DENND1B: variants seen among roughly 807,000 people sequenced by gnomAD.
DENND1B encodes the protein DENN domain-containing protein 1B.
DENND1B carries 59 observed loss-of-function variants against 90.1 expected under a neutral mutation model. The ratio of observed to expected loss-of-function variants is 0.65; its 90% CI spans 0.53 to 0.81. The LOEUF (loss-of-function observed/expected upper bound fraction) is 0.81. Ranked by LOEUF, DENND1B falls within the 40% of genes least tolerant of loss-of-function variation. DENND1B has a pLI of 0.00. For synonymous variants in DENND1B, 337 were observed against 324.6 expected (o/e 1.04, Z -0.41); for missense variants, 862 against 912.6 (o/e 0.94, Z 0.71).
intron 2 of DENND1B, chr1:197,735,632 C>T: frequency 1.2e-6 from 2 of 1,614,174 alleles, no homozygotes; most frequent in Non-Finnish European, 1.7e-6. Context: ...GTGGAGCTGC[C>T]GCCATGAAGG....
chr1:197,509,491 T>C lies in DENND1B; in HGVS notation c.*969A>G, dbSNP rs556395775. The C allele has an allele frequency of 2.0e-5, 3 of 151,834 alleles. No homozygotes were observed. Among genetic ancestry groups the C allele is most frequent in the South Asian group, 4.1e-4 (2 of 4,830 alleles). 9.4% of individuals were successfully genotyped at this position (151,834 alleles called of 1,614,324 possible). A position where few individuals can be genotyped will look rare whatever the true frequency, so the allele number is the denominator to read the frequency against. ...GTAAGATGTTAGTAACAGGGGTAGA[T>C]GGGAACTCTCTGTACTATCTTTGCA... On this transcript the variant is annotated 3_prime_UTR_variant, in exon 23 of 23. Transcript: ENST00000620048.
intron 12 of DENND1B, among the ~76,000 whole-genome samples, chr1:197,611,039 A>G (rs1677140753): frequency 6.6e-6 from 1 of 150,694 alleles, no homozygotes; most frequent in African/African-American, 2.4e-5. Context: ...ATATCAACAG[A>G]CTCATCTTTG....
At chr1:197,773,074 C>T (rs1656824353) in intron 1 of DENND1B, 142 bp from the exon 2 acceptor site, 2 of 735,322 alleles carry the variant, frequency 2.7e-6, no homozygotes, top group African/African-American at 1.8e-5. Flanking sequence ...GTAGAAATAA[C>T]AATGAAACTG....
intron 20 of DENND1B, among the ~76,000 whole-genome samples, chr1:197,539,330 C>A (rs1417884670): frequency 4.6e-5 from 7 of 151,980 alleles, no homozygotes; most frequent in Non-Finnish European, 7.4e-5. Flanking sequence ...CTCAAGAATT[C>A]TTTTTTGAAG....
At chr1:197,664,905 G>A (rs887663934) in intron 5 of DENND1B, among the ~76,000 whole-genome samples, 20 of 151,956 alleles carry the variant, frequency 1.3e-4, no homozygotes, top group African/African-American at 4.8e-4. Flanking sequence ...TTCCTTATTG[G>A]AGTATTTCAT....
intron 14 of DENND1B, 71 bp downstream of exon 14, chr1:197,595,137 T>A (rs571766355): frequency 6.6e-7 from 1 of 1,507,262 alleles, no homozygotes; most frequent in East Asian, 2.4e-5. Flanking sequence ...AAATGATGTC[T>A]CTTTTTTTCT....
intron 2 of DENND1B, among the ~76,000 whole-genome samples, chr1:197,759,218 C>T (rs1571646801): frequency 1.3e-5 from 2 of 151,502 alleles, no homozygotes; most frequent in East Asian, 3.9e-4. Flanking sequence ...ATCCACCCAC[C>T]TCAGCCTCCC....
chr1:197,610,520 T>C, intron 12 of DENND1B, among the ~76,000 whole-genome samples: 1 of 150,362 alleles, frequency 6.7e-6, no homozygotes, highest in Non-Finnish European at 1.5e-5. Flanking sequence ...TATAAATAAA[T>C]AAACATGTTA....
At chr1:197,524,905 C>G (rs2125621244) in intron 20 of DENND1B, among the ~76,000 whole-genome samples, 1 of 152,250 alleles carries the variant, frequency 6.6e-6, no homozygotes, top group Non-Finnish European at 1.5e-5. Context: ...TCAGAACTGA[C>G]CCCTTTACAG....
intron 20 of DENND1B, among the ~76,000 whole-genome samples, chr1:197,529,388 G>A (rs1483965339): frequency 6.6e-6 from 1 of 151,282 alleles, no homozygotes; most frequent in African/African-American, 2.4e-5. Flanking sequence ...GGGTGGGTGT[G>A]TGTGTGCATA....
At chr1:197,723,772 T>C (rs940846938) in intron 2 of DENND1B, among the ~76,000 whole-genome samples, 1 of 152,080 alleles carries the variant, frequency 6.6e-6, no homozygotes, top group African/African-American at 2.4e-5. Flanking sequence ...TGCTTTAAGT[T>C]AGCATGAGAC....
Position 197,674,142 on chromosome 1 carries a change from A to G in DENND1B, c.154T>C (p.Cys52Arg). The change falls in exon 4 of 23, where the codon TGT (cysteine) becomes CGT (arginine). Residue 52 changes from cysteine to arginine, a missense_variant. By Grantham distance (180) the Cys-to-Arg change is radical. Transcript: ENST00000620048. ...TACCTTTCAACGTCAAAGGGAAAACAGAACTTTGGCACACTCTGTAGTATT... is the reference window on the plus strand; with the variant it reads ...TACCTTTCAACGTCAAAGGGAAAACGGAACTTTGGCACACTCTGTAGTATT... ...QEILQSVPKF[C>R]FPFDVERVSQ... is the part of the protein sequence containing the mutation. 6.2e-7 allele frequency: 1 copy of G among 1,603,540 alleles called. No individual in the cohort carries two copies. Among genetic ancestry groups the G allele is most frequent in the South Asian group, 1.1e-5 (1 of 89,744 alleles).
intron 5 of DENND1B, among the ~76,000 whole-genome samples, chr1:197,670,257 A>G (rs1399059247): frequency 6.6e-6 from 1 of 152,186 alleles, no homozygotes; most frequent in East Asian, 1.9e-4. Context: ...AATGATTAAT[A>G]AGTTCAATGT....
rs1333307192 is a variant in DENND1B at position 197,734,676 on chromosome 1, T to C, written c.83-19602A>G. 5 of 985,012 alleles carry C rather than the reference T, an allele frequency of 5.1e-6. No homozygotes were observed. The South Asian group carries it at 2.4e-4, about 46-fold the overall frequency. 61.0% of individuals were successfully genotyped at this position (985,012 alleles called of 1,614,324 possible). ...TCAAAACCCTACAAACAGACAGCAA[T>C]TAATGAAAGATAAGGGTGTAACTAC... On this transcript the variant is annotated intron_variant, in intron 2 of 22. Coordinates refer to ENST00000620048, the MANE Select transcript of DENND1B (RefSeq NM_001195215.2).
At position 197,662,739 on chromosome 1, in the gene DENND1B, A is replaced by T. The variant is rs560571697; in HGVS notation, c.297-4370T>A. Among the ~76,000 whole-genome samples, 5 of 152,200 alleles carry T rather than the reference A, an allele frequency of 3.3e-5. No homozygotes were observed. In the South Asian group the frequency reaches 1.0e-3, roughly 32 times the overall value. On this transcript the variant is annotated intron_variant, in intron 5 of 22. Transcript: ENST00000620048. The stretch of plus-strand genomic sequence containing the variant: ...CTTTTAATAAACATGTTCAATGACC[A>T]GGCATTTCAGGCAGCTAAATGAACT...
intron 2 of DENND1B, chr1:197,746,682 A>AG: frequency 2.6e-6 from 2 of 771,438 alleles, no homozygotes; most frequent in Non-Finnish European, 4.6e-6. Flanking sequence ...TATTTAACAC[A>AG]GGCTGGAAAA....
chr1:197,546,869 T>C, intron 16 of DENND1B, 96 bp from the exon 17 acceptor site: 2 of 1,048,962 alleles, frequency 1.9e-6, no homozygotes, highest in Admixed American at 5.8e-5. Context: ...CAATTTTTAG[T>C]AGGCAAATTT....
In DENND1B at chr1:197,511,741, T is replaced by A; in HGVS notation, c.1802A>T (p.Asp601Val). ...LDFFRSMDDI[D>V]YKPTNKSNAP... Reference sequence around the variant, plus strand: ...AAATCTACTAACCGTAGGTTTGTAATCAATGTCATCCATTGATCTAAAGAA... The same window carrying A: ...AAATCTACTAACCGTAGGTTTGTAAACAATGTCATCCATTGATCTAAAGAA... Residue 601 changes from aspartate (D) to valine (V), a missense_variant, in exon 22 of 23, where the codon GAT becomes GTT. Coordinates refer to ENST00000620048, the MANE Select transcript of DENND1B (RefSeq NM_001195215.2). 1 of 1,603,138 alleles carries A rather than the reference T, an allele frequency of 6.2e-7. No homozygotes were observed. The highest frequency in any genetic ancestry group is 1.1e-5 in the South Asian group (1 of 88,632).
chr1:197,768,906 T>C (rs1656061332), intron 2 of DENND1B, among the ~76,000 whole-genome samples: 1 of 151,988 alleles, frequency 6.6e-6, no homozygotes, highest in South Asian at 2.1e-4. Flanking sequence ...CAAGTCCAAA[T>C]AGCAGTAGAC....
Sources: allele counts gnomAD v4.1 joint callset (sites outside exome capture counted in the v4.1 genomes callset), GRCh38; gene constraint gnomAD v4.1.1; transcripts MANE v1.5; gene names NCBI Gene and HGNC (gene_info 2026-07-23, HGNC 2026-07-21).